Variants in VPS26C observed in about 807,000 individuals in gnomAD.
The protein encoded by VPS26C is VPS26 endosomal protein sorting factor C.
VPS26C carries 19 observed loss-of-function variants against 30.6 expected under a neutral mutation model. The observed-to-expected ratio is 0.62, with a 90% CI of 0.43 to 0.91. VPS26C has a LOEUF of 0.91. Ranked by LOEUF, VPS26C falls within the 40% of genes least tolerant of loss-of-function variation. The pLI, the probability that VPS26C is intolerant of heterozygous loss-of-function variation, is 0.00. For synonymous variants in VPS26C, 132 were observed against 151.5 expected (o/e 0.87, Z 0.95); for missense variants, 318 against 385.1 (o/e 0.83, Z 1.46).
chr21:37,254,420 C>T (rs950803358), intron 1 of VPS26C, among the ~76,000 whole-genome samples: 1 of 152,106 alleles, frequency 6.6e-6, no homozygotes, highest in Non-Finnish European at 1.5e-5. Flanking sequence ...TCACCTGAAA[C>T]CAGGAGTTTA....
intron 1 of VPS26C, among the ~76,000 whole-genome samples, chr21:37,243,332 G>A (rs962546846): frequency 4.6e-5 from 7 of 152,000 alleles, no homozygotes; most frequent in African/African-American, 9.7e-5. Context: ...AACCCAGAAC[G>A]TATACACCGA....
chr21:37,230,011 C>T (rs963726795), intron 5 of VPS26C, among the ~76,000 whole-genome samples: 12 of 152,302 alleles, frequency 7.9e-5, no homozygotes, highest in Middle Eastern at 3.4e-3. Context: ...GGACTACGAT[C>T]GCATGCCACC....
chr21:37,225,563 A>T lies in VPS26C; in HGVS notation c.875T>A (p.Leu292Gln). The change falls in exon 8 of 8, where the codon CTG becomes CAG. Residue 292 changes from leucine (L) to glutamine (Q), a missense_variant. By Grantham distance (113) the Leu-to-Gln change is moderately radical. Coordinates refer to ENST00000309117, the MANE Select transcript of VPS26C (RefSeq NM_006052.2). ...PDHLITENFP[L>Q]KLCRI ...TCCGGGCTATATCCTGCAGAGCTTC[A>T]GCGGGAAGTTCTCCGTGATGAGGTG... 1 of 1,614,046 alleles carries T rather than the reference A, an allele frequency of 6.2e-7. No homozygotes were observed. Among genetic ancestry groups the T allele is most frequent in the Non-Finnish European group, 8.5e-7 (1 of 1,179,932 alleles).
At chr21:37,265,910 C>CTTTTT (rs59649054) in intron 1 of VPS26C, among the ~76,000 whole-genome samples, 14 of 77,230 alleles carry the variant, frequency 1.8e-4, no homozygotes, top group East Asian at 4.4e-4. Flanking sequence ...AGCTTTTTCT[C>CTTTTT]TTTTTTTTTT....
chr21:37,240,681 C>G, intron 1 of VPS26C, 42 bp from the exon 2 acceptor site: 1 of 1,601,896 alleles, frequency 6.2e-7, no homozygotes, highest in East Asian at 2.2e-5. Flanking sequence ...TAGCATGCTT[C>G]CTCCATTCTA....
intron 1 of VPS26C, 29 bp downstream of exon 1, chr21:37,267,207 ACC>A: frequency 5.6e-6 from 2 of 359,204 alleles, no homozygotes; most frequent in Non-Finnish European, 1.1e-5. Flanking sequence ...GCCCAACCCC[ACC>A]TCCATCCCCA....
At chr21:37,262,046 A>G (rs2086309930) in intron 1 of VPS26C, 2 of 152,224 alleles carry the variant, frequency 1.3e-5, no homozygotes, top group Admixed American at 6.5e-5. Flanking sequence ...TATGCTGAAC[A>G]GCCAACTTAC....
Position 37,232,703 on chromosome 21 carries a change from T to C in VPS26C, c.433-252A>G, listed in dbSNP as rs1185198461. The C allele has an allele frequency of 6.9e-6, 4 of 576,038 alleles. No individual in the cohort carries two copies. The African/African-American group carries it at 7.5e-5, about 11-fold the overall frequency. 35.7% of individuals were successfully genotyped at this position (576,038 alleles called of 1,614,324 possible). ...CAACGTGCCTTTCAGATTCAGAATT[T>C]TAAAATCAGATCTAAGAAACAGAAC... On this transcript the variant is annotated intron_variant, in intron 4 of 7. Transcript: ENST00000309117.
rs1415000630 is a variant in VPS26C at position 37,233,271 on chromosome 21, G to C, written c.432+91C>G. ...TGCCAGCACCCGTGAAACAGTAAGAGGCTAAATGGTGAGCTTGTAAATAGG... is the reference window on the plus strand; with the variant it reads ...TGCCAGCACCCGTGAAACAGTAAGACGCTAAATGGTGAGCTTGTAAATAGG... On this transcript the variant is annotated intron_variant, in intron 4 of 7. Transcript: ENST00000309117. This position sits in a 1 kb window ranked among gnomAD's most constrained non-coding sequence, Gnocchi z 5.2. 8.8e-7 allele frequency: 1 copy of C among 1,138,090 alleles called. No individual in the cohort carries two copies. Among genetic ancestry groups the C allele is most frequent in the African/African-American group, 1.5e-5 (1 of 65,642 alleles). 70.5% of individuals were successfully genotyped at this position (1,138,090 alleles called of 1,614,324 possible).
chr21:37,235,561 C>G (rs1030099464), intron 3 of VPS26C, among the ~76,000 whole-genome samples: 1 of 152,152 alleles, frequency 6.6e-6, no homozygotes, highest in Non-Finnish European at 1.5e-5. Context: ...ATAGGATAAA[C>G]GCTTGCTAGC....
intron 7 of VPS26C, 177 bp downstream of exon 7, chr21:37,227,477 C>T (rs2085912577): frequency 1.5e-6 from 1 of 685,846 alleles, no homozygotes; most frequent in Non-Finnish European, 2.4e-6. Flanking sequence ...AGCTCCTTAA[C>T]AAGGTTTTGT....
intron 3 of VPS26C, 103 bp downstream of exon 3, chr21:37,238,357 G>A: frequency 1.5e-6 from 2 of 1,328,906 alleles, no homozygotes; most frequent in South Asian, 1.4e-5. Context: ...AATAAACACA[G>A]TATTAAATTC....
chr21:37,244,155 T>A lies in VPS26C; in HGVS notation c.58-3516A>T, dbSNP rs79279240. On this transcript the variant is annotated intron_variant, in intron 1 of 7. Transcript: ENST00000309117. ...GCCTGGAAACAAGCATTCCAAAGGC[T>A]ACTGGCCACCTTGCTCTTCTCAGCT... Among the ~76,000 whole-genome samples the A allele has an allele frequency of 8.0e-3, 1,224 of 152,374 alleles. 4 individuals carry two copies. Among genetic ancestry groups the A allele is most frequent in the Non-Finnish European group, 0.013 (881 of 68,040 alleles).
intron 3 of VPS26C, among the ~76,000 whole-genome samples, chr21:37,237,931 G>A (rs1285571774): frequency 1.1e-4 from 16 of 152,104 alleles, no homozygotes; most frequent in Admixed American, 9.2e-4. Context: ...ATCTCACCCC[G>A]CGTGGACTCC....
chr21:37,259,311 G>A (rs374739568), intron 1 of VPS26C, among the ~76,000 whole-genome samples: 3 of 151,286 alleles, frequency 2.0e-5, no homozygotes, highest in South Asian at 4.1e-4. Flanking sequence ...AAGAAATTAC[G>A]GGCATGCCCA....
intron 1 of VPS26C, among the ~76,000 whole-genome samples, chr21:37,258,956 TAA>T (rs1245319039): frequency 1.3e-5 from 2 of 152,214 alleles, no homozygotes; most frequent in Non-Finnish European, 2.9e-5. Flanking sequence ...ATGCATTATA[TAA>T]GAGTTTAGGT....
At chr21:37,227,923 C>T (rs2085919179) in intron 6 of VPS26C, 117 bp from the exon 7 acceptor site, 2 of 1,386,708 alleles carry the variant, frequency 1.4e-6, no homozygotes, top group Non-Finnish European at 9.8e-7. Context: ...CCTCCCCTCA[C>T]TTTCCTTAGA....
chr21:37,227,811 G>A lies in VPS26C; in HGVS notation c.659-5C>T, dbSNP rs746438790. 135 of 1,612,292 alleles carry A rather than the reference G, an allele frequency of 8.4e-5. 2 individuals are homozygous for A. In the South Asian group the frequency reaches 1.0e-3, roughly 12 times the overall value. On this transcript the variant is annotated splice_polypyrimidine_tract_variant and splice_region_variant and intron_variant, in intron 6 of 7. Coordinates refer to ENST00000309117, the MANE Select transcript of VPS26C (RefSeq NM_006052.2). ...GGGCATAGCCTTCTGCACACCCTGC[G>A]GGAGGGAGGCCACATCACGCGGTCA...
At chr21:37,227,553 C>G (rs1000153224) in intron 7 of VPS26C, 101 bp downstream of exon 7, 6 of 1,391,686 alleles carry the variant, frequency 4.3e-6, no homozygotes, top group Non-Finnish European at 6.0e-6. Flanking sequence ...ACTGAGGGAC[C>G]GAAGGGCGGC....
Sources: gnomAD v4.1 joint callset for allele counts (sites outside exome capture counted in the v4.1 genomes callset) on GRCh38, gnomAD v4.1.1 for gene constraint, Gnocchi (gnomAD v3.1) non-coding constraint, MANE v1.5 for transcripts, NCBI Gene and HGNC (gene_info 2026-07-23, HGNC 2026-07-21) for gene names.